Variants in SERTAD2 observed in about 807,000 individuals in gnomAD.
The protein encoded by SERTAD2 is SERTA domain containing 2, also known as SERTA domain-containing protein 2.
Under a neutral mutation model 15.4 loss-of-function variants are expected in SERTAD2, and 2 were observed. That is an observed-to-expected ratio of 0.13 (90% CI 0.05 to 0.41). SERTAD2 has a LOEUF of 0.41. Ranked by LOEUF, SERTAD2 falls within the 10% of genes least tolerant of loss-of-function variation. The probability of loss-of-function intolerance (pLI) is 0.99; values close to 1 mark genes in which losing one functional copy is unlikely to be tolerated. For missense variants in SERTAD2, 333 were observed against 409.7 expected (o/e 0.81, Z 1.62); for synonymous variants, 180 against 178.0 (o/e 1.01, Z -0.09).
At position 64,638,348 on chromosome 2, in the gene SERTAD2, C is replaced by A. The variant is rs535300241; in HGVS notation, c.-4-1473G>T. 8.5e-5 allele frequency among the ~76,000 whole-genome samples: 13 copies of A among 152,328 alleles called. No homozygotes were observed. The South Asian group carries it at 2.7e-3, about 32-fold the overall frequency. ...CCAGTGGGGAGTCCCACATGAACAC[C>A]CTGGCCTTCAAGAGGCTAAATAGCC... On this transcript the variant is annotated intron_variant, in intron 1 of 1. Coordinates refer to ENST00000313349, the MANE Select transcript of SERTAD2 (RefSeq NM_014755.3).
intron 1 of SERTAD2, among the ~76,000 whole-genome samples, chr2:64,647,934 G>A (rs1393064281): frequency 6.6e-6 from 1 of 152,146 alleles, no homozygotes; most frequent in Non-Finnish European, 1.5e-5. Context: ...AAATCTGGAT[G>A]CTTCATTACT....
At chr2:64,642,482 T>C (rs977220273) in intron 1 of SERTAD2, among the ~76,000 whole-genome samples, 2 of 152,184 alleles carry the variant, frequency 1.3e-5, no homozygotes, top group African/African-American at 4.8e-5. Flanking sequence ...TTTTCAACTA[T>C]TTAAAAGCTA....
At position 64,632,088 on chromosome 2, in the gene SERTAD2, G is replaced by A. The variant is rs1401200202; in HGVS notation, c.*3839C>T. 6.6e-6 allele frequency: 1 copy of A among 152,508 alleles called. No homozygotes were observed. The highest frequency in any genetic ancestry group is 2.4e-5 in the African/African-American group (1 of 41,394). The allele number at this position is 152,508 out of a possible 1,614,324, so 9.4% of individuals were successfully genotyped here. A position where few individuals can be genotyped will look rare whatever the true frequency, so the allele number is the denominator to read the frequency against. On this transcript the variant is annotated 3_prime_UTR_variant, in exon 2 of 2. Coordinates refer to ENST00000313349, the MANE Select transcript of SERTAD2 (RefSeq NM_014755.3). ...ACACAACTCCATGCCTCCAGGTGCGGGGCAGTTACAGGAAGGTAACCATTT... is the reference window on the plus strand; with the variant it reads ...ACACAACTCCATGCCTCCAGGTGCGAGGCAGTTACAGGAAGGTAACCATTT...
chr2:64,640,511 G>A (rs1674750990), intron 1 of SERTAD2, among the ~76,000 whole-genome samples: 1 of 152,134 alleles, frequency 6.6e-6, no homozygotes. Flanking sequence ...AATAACAATA[G>A]CTCTTTAACC....
chr2:64,640,909 A>G (rs892431471), intron 1 of SERTAD2, among the ~76,000 whole-genome samples: 18 of 152,292 alleles, frequency 1.2e-4, no homozygotes, highest in African/African-American at 3.8e-4. Flanking sequence ...AACCCCAGCC[A>G]CTTTTCTACT....
chr2:64,650,940 A>G (rs1321470594), intron 1 of SERTAD2, among the ~76,000 whole-genome samples: 9 of 152,150 alleles, frequency 5.9e-5, no homozygotes, highest in Non-Finnish European at 8.8e-5. Flanking sequence ...GTAATCAGAG[A>G]CGGCGCCTGC....
At position 64,633,095 on chromosome 2, in the gene SERTAD2, T is replaced by G. The variant is rs1212732209; in HGVS notation, c.*2832A>C. Reference sequence around the variant, plus strand: ...GCACATCCCACACTCAAACTGGGACTTGGAGATCCCACTCCAGCTCCTACT... The same window carrying G: ...GCACATCCCACACTCAAACTGGGACGTGGAGATCCCACTCCAGCTCCTACT... On this transcript the variant is annotated 3_prime_UTR_variant, in exon 2 of 2. Transcript: ENST00000313349. The G allele has an allele frequency of 6.6e-6, 1 of 152,428 alleles. No individual in the cohort carries two copies. The highest frequency in any genetic ancestry group is 1.5e-5 in the Non-Finnish European group (1 of 68,044). 9.4% of individuals were successfully genotyped at this position (152,428 alleles called of 1,614,324 possible). A position where few individuals can be genotyped will look rare whatever the true frequency, so the allele number is the denominator to read the frequency against.
At chr2:64,648,346 G>C (rs1243945128) in intron 1 of SERTAD2, among the ~76,000 whole-genome samples, 4 of 152,122 alleles carry the variant, frequency 2.6e-5, no homozygotes, top group African/African-American at 7.2e-5. Flanking sequence ...TTCACACACA[G>C]ACAATAATTG....
chr2:64,644,130 C>T (rs1674844094), intron 1 of SERTAD2, among the ~76,000 whole-genome samples: 1 of 152,208 alleles, frequency 6.6e-6, no homozygotes, highest in South Asian at 2.1e-4. Flanking sequence ...CGGTCCTTCC[C>T]TTCCCCTGAC....
rs1674627445 is a variant in SERTAD2, at chr2:64,635,046, G to T, written c.*881C>A. The T allele has an allele frequency of 6.6e-6, 1 of 152,666 alleles. No homozygotes were observed. The highest frequency in any genetic ancestry group is 6.5e-5 in the Admixed American group (1 of 15,280). The allele number at this position is 152,666 out of a possible 1,614,324, so 9.5% of individuals were successfully genotyped here. A position where few individuals can be genotyped will look rare whatever the true frequency, so the allele number is the denominator to read the frequency against. On this transcript the variant is annotated 3_prime_UTR_variant, in exon 2 of 2. Coordinates refer to ENST00000313349, the MANE Select transcript of SERTAD2 (RefSeq NM_014755.3). ...TTTGGAAGTCACAGTACTGGCGGGTGTTGGTGCCAGGGGGTCAGTGCTTGT... is the reference window on the plus strand; with the variant it reads ...TTTGGAAGTCACAGTACTGGCGGGTTTTGGTGCCAGGGGGTCAGTGCTTGT...
At position 64,636,512 on chromosome 2, in the gene SERTAD2, G is replaced by A. The variant is rs374335888; in HGVS notation, c.360C>T (p.Leu120=). ...AGGCCTCCAGGGGCGTAGTGCTTCC[G>A]AGGTCGCAGGGGTGGGAGGACGGGG... ...LASPSSHPCD[L]GSTTPLEACL... The change falls in exon 2 of 2, where the codon CTC becomes CTT. Residue 120 remains leucine, a synonymous_variant. Transcript: ENST00000313349. The A allele has an allele frequency of 1.1e-5, 18 of 1,607,548 alleles. No homozygotes were observed. The African/African-American group carries it at 1.2e-4, about 11-fold the overall frequency.
chr2:64,640,391 G>C (rs1234319051), intron 1 of SERTAD2, among the ~76,000 whole-genome samples: 1 of 152,208 alleles, frequency 6.6e-6, no homozygotes, highest in Non-Finnish European at 1.5e-5. Context: ...AAGAAGCCAG[G>C]CGCATCAGCC....
intron 1 of SERTAD2, among the ~76,000 whole-genome samples, chr2:64,644,235 G>C (rs531236799): frequency 1.3e-5 from 2 of 152,338 alleles, no homozygotes; most frequent in African/African-American, 4.8e-5. Context: ...GGTGCCCCTG[G>C]TAAAATTAGC....
In SERTAD2 at chr2:64,636,227, G is replaced by A. The variant is rs754440876; in HGVS notation, c.645C>T (p.Arg215=). 18 of 1,614,034 alleles carry A rather than the reference G, an allele frequency of 1.1e-5. 1 individual carries two copies. The African/African-American group carries it at 1.2e-4, about 11-fold the overall frequency. Residue 215 remains arginine, a synonymous_variant, in exon 2 of 2, where the codon CGC becomes CGT. Coordinates refer to ENST00000313349, the MANE Select transcript of SERTAD2 (RefSeq NM_014755.3). ...AGTCCATCAGTTTTGAGTCATCTGC[G>A]CGGCTCTCTTGAGGACCGTCGAGTT... The part of the protein sequence containing the change: ...TQKLDGPQES[R]ADDSKLMDSL...
Position 64,636,244 on chromosome 2 carries a change from C to G in SERTAD2, c.628G>C (p.Gly210Arg), listed in dbSNP as rs752779310. ...TCATCTGCGCGGCTCTCTTGAGGAC[C>G]GTCGAGTTTCTGGGTGCCAGCCTCG... ...SSEAGTQKLD[G>R]PQESRADDSK... Residue 210 changes from glycine (G) to arginine (R), a missense_variant, in exon 2 of 2, where the codon GGT (glycine) becomes CGT (arginine). Around this residue, in one of 2 missense-constraint regions of SERTAD2, gnomAD observed 332 missense variants for 392.9 expected, o/e 0.84. Transcript: ENST00000313349. 1 of 1,614,182 alleles carries G rather than the reference C, an allele frequency of 6.2e-7. No individual in the cohort carries two copies.
chr2:64,633,752 C>T lies in SERTAD2; in HGVS notation c.*2175G>A, dbSNP rs1308498369. 1 of 152,156 alleles carries T rather than the reference C, an allele frequency of 6.6e-6. No homozygotes were observed. The highest frequency in any genetic ancestry group is 1.5e-5 in the Non-Finnish European group (1 of 68,044). 9.4% of individuals were successfully genotyped at this position (152,156 alleles called of 1,614,324 possible). A position where few individuals can be genotyped will look rare whatever the true frequency, so the allele number is the denominator to read the frequency against. ...AGGAAATGACACACCTGTAGCAGTACGAGGTGTCTGCGTGGAGGTTGCTTG... is the reference window on the plus strand; with the variant it reads ...AGGAAATGACACACCTGTAGCAGTATGAGGTGTCTGCGTGGAGGTTGCTTG... On this transcript the variant is annotated 3_prime_UTR_variant, in exon 2 of 2. Transcript: ENST00000313349.
rs1442071095 is a variant in SERTAD2 at position 64,633,639 on chromosome 2, G to A, written c.*2288C>T. On this transcript the variant is annotated 3_prime_UTR_variant, in exon 2 of 2. Transcript: ENST00000313349. ...GGGCAGACTTGTTCTCTGCAAGAAA[G>A]GGAAGCTCTTAAAATTAACAGGCAT... 1 of 152,184 alleles carries A rather than the reference G, an allele frequency of 6.6e-6. No homozygotes were observed. Among genetic ancestry groups the A allele is most frequent in the East Asian group, 1.9e-4 (1 of 5,200 alleles). 9.4% of individuals were successfully genotyped at this position (152,184 alleles called of 1,614,324 possible).
At chr2:64,650,320 T>G (rs1361416340) in intron 1 of SERTAD2, among the ~76,000 whole-genome samples, 1 of 152,190 alleles carries the variant, frequency 6.6e-6, no homozygotes, top group Non-Finnish European at 1.5e-5. Flanking sequence ...AAGAAAATTT[T>G]TAGACAGCCA....
At position 64,632,927 on chromosome 2, in the gene SERTAD2, CATCTT is replaced by C. The variant is rs544234958; in HGVS notation, c.*2995_*2999del. 3 of 152,670 alleles carry C rather than the reference CATCTT, an allele frequency of 2.0e-5. No individual in the cohort carries two copies. Among genetic ancestry groups the C allele is most frequent in the African/African-American group, 4.8e-5 (2 of 41,458 alleles). 9.5% of individuals were successfully genotyped at this position (152,670 alleles called of 1,614,324 possible). ...TTCAAAGCTCTTACGATTCTGCTCTCATCTTGTCACTTCATTGCACATCAGTGTCA... is the reference window on the plus strand; with the variant it reads ...TTCAAAGCTCTTACGATTCTGCTCTCGTCACTTCATTGCACATCAGTGTCA... On this transcript the variant is annotated 3_prime_UTR_variant, in exon 2 of 2. Coordinates refer to ENST00000313349, the MANE Select transcript of SERTAD2 (RefSeq NM_014755.3).
Sources: gnomAD v4.1 joint callset for allele counts (sites outside exome capture counted in the v4.1 genomes callset) on GRCh38, gnomAD v4.1.1 for gene constraint, gnomAD v4.1.1 regional missense constraint, MANE v1.5 for transcripts, NCBI Gene and HGNC (gene_info 2026-07-23, HGNC 2026-07-21) for gene names.